Variants in HAO1 observed in about 807,000 individuals in gnomAD.
The protein encoded by HAO1 is hydroxyacid oxidase 1, also known as 2-Hydroxyacid oxidase 1.
A neutral mutation model predicts 39.7 loss-of-function variants in HAO1; 34 were observed. The observed-to-expected ratio is 0.86, with a 90% CI of 0.65 to 1.14. HAO1 has a LOEUF of 1.14. Among genes scored for constraint, HAO1 ranks in the 50% most tolerant of loss-of-function variants. The pLI, the probability that HAO1 is intolerant of heterozygous loss-of-function variation, is 0.00. For missense variants in HAO1, 479 were observed against 464.5 expected, an observed-to-expected ratio of 1.03 and a Z score of -0.29; for synonymous variants, 172 against 173.2, an observed-to-expected ratio of 0.99 and a Z score of 0.05.
At position 7,932,056 on chromosome 20, in the gene HAO1, C is replaced by T. The variant is rs1260043851; in HGVS notation, c.289+2428G>A. 4.9e-4 allele frequency among the ~76,000 whole-genome samples: 74 copies of T among 152,024 alleles called. 1 individual carries two copies. Among genetic ancestry groups the T allele is most frequent in the Admixed American group, 4.8e-3 (73 of 15,264 alleles). ...GTGATTGGATCATGGGGGTGGTTTC[C>T]CCCATGCTGTTCTCATGATAGTGGG... On this transcript the variant is annotated intron_variant, in intron 2 of 7. Coordinates refer to ENST00000378789, the MANE Select transcript of HAO1 (RefSeq NM_017545.3).
intron 4 of HAO1, among the ~76,000 whole-genome samples, chr20:7,897,195 T>C (rs1486499886): frequency 6.6e-6 from 1 of 152,200 alleles, no homozygotes; most frequent in Non-Finnish European, 1.5e-5. Context: ...ACCAGTTTGA[T>C]TTGAATTATT....
intron 5 of HAO1, among the ~76,000 whole-genome samples, chr20:7,894,833 A>G (rs980671683): frequency 1.3e-5 from 2 of 152,204 alleles, no homozygotes; most frequent in African/African-American, 4.8e-5. Flanking sequence ...ACTCCAGTTT[A>G]CATACCTATT....
In HAO1 at chr20:7,895,141, G is replaced by A. The variant is rs1315736497; in HGVS notation, c.805C>T (p.Pro269Ser). ...NHGARQLDGV[P>S]ATIDVLPEIV... The stretch of plus-strand genomic sequence containing the variant: ...CGTCTGCCAAAACTCACAGTGGCTG[G>A]CACCCCATCGAGTTGTCGAGCCCCA... Residue 269 changes from proline to serine, a missense_variant, in exon 5 of 8, where the codon CCA (proline) becomes TCA (serine). By Grantham distance (74) the Pro-to-Ser change is moderately conservative. Coordinates refer to ENST00000378789, the MANE Select transcript of HAO1 (RefSeq NM_017545.3). 3.1e-6 allele frequency: 5 copies of A among 1,604,642 alleles called. No homozygotes were observed. The highest frequency in any genetic ancestry group is 4.3e-6 in the Non-Finnish European group (5 of 1,171,696).
intron 2 of HAO1, among the ~76,000 whole-genome samples, chr20:7,920,803 ATGAC>A (rs1288355089): frequency 2.0e-5 from 3 of 152,164 alleles, no homozygotes; most frequent in African/African-American, 7.2e-5. Flanking sequence ...ATGGCATATC[ATGAC>A]TATTATGAAT....
intron 3 of HAO1, among the ~76,000 whole-genome samples, chr20:7,911,583 C>G (rs976892012): frequency 6.6e-6 from 1 of 152,128 alleles, no homozygotes; most frequent in Non-Finnish European, 1.5e-5. Context: ...GTTTCAGGAA[C>G]CCCCTTGCCA....
At chr20:7,928,069 G>A (rs1001657422) in intron 2 of HAO1, among the ~76,000 whole-genome samples, 5 of 152,194 alleles carry the variant, frequency 3.3e-5, no homozygotes, top group African/African-American at 1.2e-4. Context: ...ACAAGACTTT[G>A]AAGTATCACT....
intron 2 of HAO1, among the ~76,000 whole-genome samples, chr20:7,924,972 C>G (rs1005879593): frequency 6.6e-6 from 1 of 152,140 alleles, no homozygotes; most frequent in Admixed American, 6.6e-5. Flanking sequence ...GTTCTAAACT[C>G]AGGGCCTGTC....
intron 1 of HAO1, among the ~76,000 whole-genome samples, chr20:7,937,297 T>C (rs2050417386): frequency 6.6e-6 from 1 of 152,180 alleles, no homozygotes; most frequent in South Asian, 2.1e-4. Context: ...AGTGGATTCA[T>C]GTTTTGTAAG....
At chr20:7,937,619 C>T (rs1025045727) in intron 1 of HAO1, among the ~76,000 whole-genome samples, 9 of 151,900 alleles carry the variant, frequency 5.9e-5, no homozygotes, top group South Asian at 2.1e-4. Flanking sequence ...TTCTAAGTGT[C>T]GAAATTGTTT....
chr20:7,931,754 CTTCT>C (rs983725874), intron 2 of HAO1, among the ~76,000 whole-genome samples: 1 of 152,078 alleles, frequency 6.6e-6, no homozygotes, highest in African/African-American at 2.4e-5. Flanking sequence ...GCTTTCTTTT[CTTCT>C]TTCTTCTCCT....
Position 7,940,398 on chromosome 20 carries a change from T to G in HAO1, c.25A>C (p.Asn9His), listed in dbSNP as rs1047689961. The G allele has an allele frequency of 3.1e-6, 5 of 1,610,636 alleles. No individual in the cohort carries two copies. The highest frequency in any genetic ancestry group is 4.2e-6 in the Non-Finnish European group (5 of 1,178,926). ...GATTTAGCATGTTGTTCATAATCAT[T>G]GATACAAATTAGCCGGGGGAGCATT... is the stretch of plus-strand genomic sequence containing the variant. The part of the protein sequence containing the change: MLPRLICI[N>H]DYEQHAKSVL... Residue 9 changes from asparagine (N) to histidine (H), a missense_variant, in exon 1 of 8, where the codon AAT (asparagine) becomes CAT (histidine). Transcript: ENST00000378789.
Position 7,895,183 on chromosome 20 carries a change from T to A in HAO1, c.763A>T (p.Ile255Phe). 1 of 1,612,894 alleles carries A rather than the reference T, an allele frequency of 6.2e-7. No homozygotes were observed. The change falls in exon 5 of 8, where the codon ATC (isoleucine) becomes TTC (phenylalanine). Residue 255 changes from isoleucine (I) to phenylalanine (F), a missense_variant. By Grantham distance (21) the Ile-to-Phe change is conservative. Coordinates refer to ENST00000378789, the MANE Select transcript of HAO1 (RefSeq NM_017545.3). Reference sequence around the variant, plus strand: ...CGAGCCCCATGATTCGACACCAAGATCCCATTCAAGCCATGTTTAACAGCC... The same window carrying A: ...CGAGCCCCATGATTCGACACCAAGAACCCATTCAAGCCATGTTTAACAGCC... ...REAVKHGLNG[I>F]LVSNHGARQL...
Position 7,924,428 on chromosome 20 carries a change from T to C in HAO1, c.290-10009A>G, listed in dbSNP as rs1382276330. 7.2e-5 allele frequency among the ~76,000 whole-genome samples: 11 copies of C among 152,204 alleles called. 1 individual carries two copies. Among genetic ancestry groups the C allele is most frequent in the African/African-American group, 2.4e-4 (10 of 41,532 alleles). On this transcript the variant is annotated intron_variant, in intron 2 of 7. Transcript: ENST00000378789. ...AATCCAACAATCTTACACACAGAAA[T>C]AAGATGATGAACCATCAGGCAAAAC...
At chr20:7,929,618 C>G (rs1017542800) in intron 2 of HAO1, among the ~76,000 whole-genome samples, 2 of 152,174 alleles carry the variant, frequency 1.3e-5, no homozygotes, top group Admixed American at 6.5e-5. Context: ...GTAATCCCAG[C>G]ACTTTGGGAG....
At chr20:7,886,258 C>T (rs6038975) in intron 5 of HAO1, among the ~76,000 whole-genome samples, 30 of 152,080 alleles carry the variant, frequency 2.0e-4, no homozygotes, top group African/African-American at 7.2e-4. Context: ...ACTGCAACCT[C>T]CATCTCCAGA....
chr20:7,884,275 T>C (rs1019166930), intron 7 of HAO1, among the ~76,000 whole-genome samples: 1 of 152,130 alleles, frequency 6.6e-6, no homozygotes, highest in African/African-American at 2.4e-5. Flanking sequence ...ACACTGAAAA[T>C]ACTGCAATCA....
intron 4 of HAO1, among the ~76,000 whole-genome samples, chr20:7,905,818 T>C (rs145712746): frequency 2.0e-5 from 3 of 152,208 alleles, no homozygotes; most frequent in African/African-American, 4.8e-5. Context: ...TGAGAGCAAC[T>C]GTTGCAGCTT....
intron 4 of HAO1, among the ~76,000 whole-genome samples, chr20:7,901,137 G>A (rs139136023): frequency 1.4e-3 from 220 of 152,270 alleles, no homozygotes; most frequent in African/African-American, 4.9e-3. Context: ...GTTGATTCCT[G>A]AGGTTTAAAG....
At position 7,882,987 on chromosome 20, in the gene HAO1, C is replaced by A. The variant is rs2050134014; in HGVS notation, c.*606G>T. 6.6e-6 allele frequency: 1 copy of A among 152,416 alleles called. No homozygotes were observed. Among genetic ancestry groups the A allele is most frequent in the Non-Finnish European group, 1.5e-5 (1 of 68,246 alleles). 9.4% of individuals were successfully genotyped at this position (152,416 alleles called of 1,614,324 possible). Reference sequence around the variant, plus strand: ...TTGTTACAAAAGGACTAGATATATTCTTCCCAAAAATGCTTTATTTCTCTC... The same window carrying A: ...TTGTTACAAAAGGACTAGATATATTATTCCCAAAAATGCTTTATTTCTCTC... On this transcript the variant is annotated 3_prime_UTR_variant, in exon 8 of 8. Coordinates refer to ENST00000378789, the MANE Select transcript of HAO1 (RefSeq NM_017545.3).
Sources: allele counts gnomAD v4.1 joint callset (sites outside exome capture counted in the v4.1 genomes callset), GRCh38; gene constraint gnomAD v4.1.1; transcripts MANE v1.5; gene names NCBI Gene and HGNC (gene_info 2026-07-23, HGNC 2026-07-21).